Variants in SPAG17 observed in about 807,000 individuals in gnomAD.
SPAG17 encodes the protein sperm associated antigen 17.
SPAG17 carries 169 observed loss-of-function variants against 273.6 expected under a neutral mutation model. The observed-to-expected ratio is 0.62, with a 90% CI of 0.55 to 0.70. The LOEUF is 0.70. SPAG17 is among the 30% of genes least tolerant of loss of function. The pLI is 0.00. For missense variants in SPAG17, 2,557 were observed against 2,627.8 expected (o/e 0.97, Z 0.59); for synonymous variants, 825 against 873.2 (o/e 0.94, Z 0.97).
At chr1:117,954,420 A>G (rs114920443) in intron 48 of SPAG17, among the ~76,000 whole-genome samples, 1,713 of 152,248 alleles carry the variant, frequency 0.011, 12 homozygotes, top group Non-Finnish European at 0.018. Flanking sequence ...TGAGTACTAT[A>G]GAAACTAACA....
chr1:118,016,036 T>C lies in SPAG17; in HGVS notation c.4216A>G (p.Lys1406Glu). 6.2e-7 allele frequency: 1 copy of C among 1,614,076 alleles called. No individual in the cohort carries two copies. Among genetic ancestry groups the C allele is most frequent in the Non-Finnish European group, 8.5e-7 (1 of 1,179,974 alleles). Residue 1406 changes from lysine to glutamate, a missense_variant, in exon 29 of 49, where the codon AAA becomes GAA. Lys to Glu is a moderately conservative substitution (Grantham distance 56, BLOSUM62 1). Transcript: ENST00000336338. The part of the protein sequence containing the change: ...TTPEGNRIGT[K>E]GLERIADLTP... The stretch of plus-strand genomic sequence containing the variant: ...AAGTCTGCTATTCTTTCTAATCCTT[T>C]GGTGCCGATCCGATTTCCTTCAGGT...
Position 118,151,202 on chromosome 1 carries a change from G to A in SPAG17, c.228+27C>T, listed in dbSNP as rs779160032. On this transcript the variant is annotated intron_variant, in intron 2 of 48. Transcript: ENST00000336338. ...ATTTTAAGTAAAAAAGTCTTCAGGT[G>A]GCTTTGAGGTAGGAAGGGACAGGTA... 11 of 1,481,754 alleles carry A rather than the reference G, an allele frequency of 7.4e-6. No individual in the cohort carries two copies. The South Asian group carries it at 1.2e-4, about 17-fold the overall frequency. 91.8% of individuals were successfully genotyped at this position (1,481,754 alleles called of 1,614,324 possible).
At chr1:118,017,239 T>A (rs1660061962) in intron 28 of SPAG17, among the ~76,000 whole-genome samples, 1 of 152,196 alleles carries the variant, frequency 6.6e-6, no homozygotes, top group South Asian at 2.1e-4. Flanking sequence ...GGAAGTACTT[T>A]AGGAATTATC....
chr1:118,041,655 G>T, intron 21 of SPAG17, 148 bp downstream of exon 21: 2 of 1,017,826 alleles, frequency 2.0e-6, no homozygotes, highest in Non-Finnish European at 2.9e-6. Context: ...TATCAGGGGT[G>T]GAATACAGGT....
At chr1:118,068,319 A>G (rs1203251725) in intron 17 of SPAG17, among the ~76,000 whole-genome samples, 2 of 152,158 alleles carry the variant, frequency 1.3e-5, no homozygotes, top group African/African-American at 2.4e-5. Context: ...CAGAGCCAAC[A>G]TAAGAAACAT....
At chr1:118,144,358 C>T (rs1007975038) in intron 3 of SPAG17, among the ~76,000 whole-genome samples, 1 of 152,144 alleles carries the variant, frequency 6.6e-6, no homozygotes, top group African/African-American at 2.4e-5. Context: ...TGACAAAAGT[C>T]ATTCATTTGT....
At chr1:118,053,879 G>T in intron 20 of SPAG17, 123 bp downstream of exon 20, 1 of 632,754 alleles carries the variant, frequency 1.6e-6, no homozygotes. Flanking sequence ...CCAGCTTCCA[G>T]GAAGCCATCT....
intron 3 of SPAG17, among the ~76,000 whole-genome samples, chr1:118,118,867 T>C (rs1164941298): frequency 6.6e-6 from 1 of 152,244 alleles, no homozygotes; most frequent in Non-Finnish European, 1.5e-5. Context: ...AATATTTCCT[T>C]TATCATTGTC....
intron 3 of SPAG17, among the ~76,000 whole-genome samples, chr1:118,148,274 A>G (rs1333763587): frequency 6.6e-6 from 1 of 152,194 alleles, no homozygotes; most frequent in Admixed American, 6.5e-5. Context: ...CAAAGAATGA[A>G]GCCACTGACT....
At chr1:118,075,193 T>C (rs760159582) in intron 15 of SPAG17, among the ~76,000 whole-genome samples, 8 of 152,322 alleles carry the variant, frequency 5.3e-5, no homozygotes, top group Non-Finnish European at 1.0e-4. Context: ...CAAATGAAGC[T>C]TAACAAAAGT....
intron 18 of SPAG17, among the ~76,000 whole-genome samples, chr1:118,061,305 G>A (rs576968781): frequency 6.6e-6 from 1 of 152,224 alleles, no homozygotes; most frequent in South Asian, 2.1e-4. Flanking sequence ...AACAACCTAA[G>A]TATCTGATGA....
intron 1 of SPAG17, among the ~76,000 whole-genome samples, chr1:118,172,720 G>A (rs931346127): frequency 1.8e-4 from 28 of 152,058 alleles, no homozygotes; most frequent in African/African-American, 4.6e-4. Flanking sequence ...AAAAATTTAC[G>A]TCTGGTCTAT....
At chr1:118,046,999 G>T (rs953915794) in intron 20 of SPAG17, among the ~76,000 whole-genome samples, 1 of 152,182 alleles carries the variant, frequency 6.6e-6, no homozygotes, top group Non-Finnish European at 1.5e-5. Flanking sequence ...CCTGCTAAAC[G>T]TGTGTTCATC....
At chr1:118,064,552 C>T (rs897743951) in intron 18 of SPAG17, among the ~76,000 whole-genome samples, 4 of 130,602 alleles carry the variant, frequency 3.1e-5, no homozygotes, top group African/African-American at 1.2e-4. Flanking sequence ...CACATGGACA[C>T]AGGAAGGGGA....
At chr1:118,142,141 A>G (rs1229271748) in intron 3 of SPAG17, among the ~76,000 whole-genome samples, 1 of 152,168 alleles carries the variant, frequency 6.6e-6, no homozygotes, top group African/African-American at 2.4e-5. Context: ...TTGGAATATT[A>G]TTCAGCTTTA....
At chr1:118,097,196 C>T (rs1285789044) in intron 7 of SPAG17, among the ~76,000 whole-genome samples, 1 of 149,882 alleles carries the variant, frequency 6.7e-6, no homozygotes, top group Non-Finnish European at 1.5e-5. Flanking sequence ...CACCACTGCA[C>T]TTCAGCCTGG....
chr1:118,069,904 T>A (rs1314416665), intron 17 of SPAG17, among the ~76,000 whole-genome samples: 1 of 152,098 alleles, frequency 6.6e-6, no homozygotes, highest in Non-Finnish European at 1.5e-5. Context: ...GCTGTTAAAA[T>A]GTCAGGGAAG....
chr1:118,052,104 TAATAC>T (rs1462504517), intron 20 of SPAG17, among the ~76,000 whole-genome samples: 1 of 142,916 alleles, frequency 7.0e-6, no homozygotes, highest in Non-Finnish European at 1.5e-5. Context: ...ATATATAGTA[TAATAC>T]AATATAACAT....
intron 1 of SPAG17, among the ~76,000 whole-genome samples, chr1:118,179,881 A>G: frequency 6.6e-6 from 1 of 152,236 alleles, no homozygotes; most frequent in African/African-American, 2.4e-5. Flanking sequence ...GCAAATCAAA[A>G]CTACAATGAG....
Sources: gnomAD v4.1 joint callset for allele counts (sites outside exome capture counted in the v4.1 genomes callset) on GRCh38, gnomAD v4.1.1 for gene constraint, MANE v1.5 for transcripts, NCBI Gene and HGNC (gene_info 2026-07-23, HGNC 2026-07-21) for gene names.